The following NXPH2 variants were observed in gnomAD, a reference collection of about 807,000 sequenced individuals.
NXPH2 encodes the protein neurexophilin-2.
NXPH2 carries 5 observed loss-of-function variants against 19.8 expected under a neutral mutation model. The observed-to-expected ratio is 0.25, with a 90% CI of 0.13 to 0.53. The LOEUF (loss-of-function observed/expected upper bound fraction) is 0.53. Ranked by LOEUF, NXPH2 falls within the 20% of genes least tolerant of loss-of-function variation. NXPH2 has a pLI of 0.96. For synonymous variants in NXPH2, 154 were observed against 127.4 expected (o/e 1.21, Z -1.41); for missense variants, 289 against 322.8 (o/e 0.90, Z 0.80).
intron 1 of NXPH2, among the ~76,000 whole-genome samples, chr2:138,746,749 T>G (rs1681742220): frequency 6.6e-6 from 1 of 152,148 alleles, no homozygotes; most frequent in Non-Finnish European, 1.5e-5. Context: ...CTGACCAAAT[T>G]CCTACCATCA....
intron 1 of NXPH2, among the ~76,000 whole-genome samples, chr2:138,700,220 C>T (rs1680899146): frequency 6.6e-6 from 1 of 152,142 alleles, no homozygotes; most frequent in African/African-American, 2.4e-5. Flanking sequence ...CCATTTTAAT[C>T]CAGCATTCAA....
At chr2:138,761,403 C>A (rs1399524883) in intron 1 of NXPH2, among the ~76,000 whole-genome samples, 4 of 152,214 alleles carry the variant, frequency 2.6e-5, no homozygotes, top group African/African-American at 4.8e-5. Context: ...GGGGCCAGGA[C>A]ATACTCCTAG....
At chr2:138,724,145 T>A (rs1046290187) in intron 1 of NXPH2, among the ~76,000 whole-genome samples, 4 of 152,190 alleles carry the variant, frequency 2.6e-5, no homozygotes, top group African/African-American at 9.7e-5. Flanking sequence ...TATGTGTCCA[T>A]GTGTTCTCAT....
intron 1 of NXPH2, among the ~76,000 whole-genome samples, chr2:138,771,164 T>C (rs1454549962): frequency 6.6e-6 from 1 of 152,066 alleles, no homozygotes; most frequent in Non-Finnish European, 1.5e-5. Flanking sequence ...ACAACTATAT[T>C]AAAGAATTCA....
chr2:138,727,252 T>C (rs1022649145), intron 1 of NXPH2, among the ~76,000 whole-genome samples: 1 of 152,238 alleles, frequency 6.6e-6, no homozygotes, highest in African/African-American at 2.4e-5. Context: ...CTCAGGCTTT[T>C]GTGTGCACAT....
intron 1 of NXPH2, among the ~76,000 whole-genome samples, chr2:138,679,702 G>A (rs1054450367): frequency 1.3e-5 from 2 of 152,128 alleles, no homozygotes; most frequent in East Asian, 1.9e-4. Context: ...GCCGGGCCGA[G>A]GCCTGAATAT....
At chr2:138,696,009 G>A (rs894285921) in intron 1 of NXPH2, among the ~76,000 whole-genome samples, 1 of 150,128 alleles carries the variant, frequency 6.7e-6, no homozygotes, top group Non-Finnish European at 1.5e-5. Flanking sequence ...GGAAGACCCT[G>A]TCTCTAAAAA....
chr2:138,775,427 G>T (rs1196930445), intron 1 of NXPH2, among the ~76,000 whole-genome samples: 2 of 151,792 alleles, frequency 1.3e-5, no homozygotes, highest in African/African-American at 4.8e-5. Context: ...TTATTTAGCA[G>T]GATTTTGAAA....
intron 1 of NXPH2, among the ~76,000 whole-genome samples, chr2:138,692,100 T>A (rs995067297): frequency 6.6e-6 from 1 of 152,200 alleles, no homozygotes; most frequent in Non-Finnish European, 1.5e-5. Context: ...TGTCTGAATG[T>A]GGAATGACCT....
intron 1 of NXPH2, among the ~76,000 whole-genome samples, chr2:138,779,511 C>T (rs748200409): frequency 5.3e-5 from 8 of 152,028 alleles, no homozygotes; most frequent in Non-Finnish European, 1.0e-4. Context: ...ACCAGGCGGG[C>T]GGTCTCCCTG....
intron 1 of NXPH2, among the ~76,000 whole-genome samples, chr2:138,764,282 T>C (rs1682060100): frequency 6.6e-6 from 1 of 152,186 alleles, no homozygotes; most frequent in Admixed American, 6.5e-5. Context: ...CAAAGGATAC[T>C]TAAGAGAAAA....
intron 1 of NXPH2, among the ~76,000 whole-genome samples, chr2:138,725,247 A>C (rs1286599683): frequency 1.3e-5 from 2 of 152,198 alleles, no homozygotes. Context: ...AATATTTACA[A>C]AGTGGTTGAT....
intron 1 of NXPH2, among the ~76,000 whole-genome samples, chr2:138,736,879 T>C (rs972539089): frequency 1.3e-5 from 2 of 152,236 alleles, no homozygotes; most frequent in South Asian, 2.1e-4. Flanking sequence ...CAAATCTCTA[T>C]GGCAGGGGCA....
At chr2:138,771,668 G>C (rs976644348) in intron 1 of NXPH2, among the ~76,000 whole-genome samples, 2 of 152,116 alleles carry the variant, frequency 1.3e-5, no homozygotes, top group African/African-American at 2.4e-5. Context: ...TCTTGCAGAG[G>C]GTAGCTTCAG....
intron 1 of NXPH2, among the ~76,000 whole-genome samples, chr2:138,737,292 T>A (rs1348299639): frequency 6.6e-6 from 1 of 152,150 alleles, no homozygotes; most frequent in Non-Finnish European, 1.5e-5. Context: ...GGCCTCACAA[T>A]CATGGCAAAA....
At chr2:138,727,743 T>C (rs7567774) in intron 1 of NXPH2, among the ~76,000 whole-genome samples, 334 of 152,248 alleles carry the variant, frequency 2.2e-3, no homozygotes, top group African/African-American at 7.2e-3. Flanking sequence ...CACTGTGTTT[T>C]ACAAGCATTT....
chr2:138,741,591 T>G (rs1385043590), intron 1 of NXPH2, among the ~76,000 whole-genome samples: 1 of 152,206 alleles, frequency 6.6e-6, no homozygotes, highest in East Asian at 1.9e-4. Context: ...GCAGAAGTAG[T>G]TCTACTCATA....
intron 1 of NXPH2, among the ~76,000 whole-genome samples, chr2:138,697,470 G>A (rs1041227633): frequency 9.2e-5 from 14 of 152,042 alleles, no homozygotes; most frequent in African/African-American, 3.1e-4. Flanking sequence ...ATTTATATGG[G>A]TACCCATTAA....
At chr2:138,776,618 T>TG (rs199655755) in intron 1 of NXPH2, among the ~76,000 whole-genome samples, 9,016 of 149,442 alleles carry the variant, frequency 0.06, 356 homozygotes, top group Middle Eastern at 0.12. Context: ...ATAGTGGTGT[T>TG]TTTTTTTTTT....
Sources: allele counts gnomAD v4.1 joint callset (sites outside exome capture counted in the v4.1 genomes callset), GRCh38; gene constraint gnomAD v4.1.1; transcripts MANE v1.5; gene names NCBI Gene and HGNC (gene_info 2026-07-23, HGNC 2026-07-21).